AXL: variants seen among roughly 807,000 people sequenced by gnomAD.
The protein encoded by AXL is tyrosine-protein kinase receptor UFO.
Under a neutral mutation model 104.5 loss-of-function variants are expected in AXL, and 52 were observed. The ratio of observed to expected loss-of-function variants is 0.50; its 90% CI spans 0.40 to 0.63. The LOEUF (loss-of-function observed/expected upper bound fraction) is 0.63, where lower values mean the gene tolerates loss of function less well. AXL is among the 20% of genes least tolerant of loss of function. The probability of loss-of-function intolerance (pLI) is 0.00; values close to 1 mark genes in which losing one functional copy is unlikely to be tolerated. For synonymous variants in AXL, 455 were observed against 473.7 expected (o/e 0.96, Z 0.51); for missense variants, 1,024 against 1,188.5 (o/e 0.86, Z 2.04).
chr19:41,246,701 C>G (rs551229264), intron 12 of AXL, among the ~76,000 whole-genome samples: 6 of 151,894 alleles, frequency 4.0e-5, no homozygotes, highest in Admixed American at 3.9e-4. Context: ...GGCAACAGAG[C>G]GAGACTCGGT....
At chr19:41,248,960 G>C in intron 14 of AXL, 140 bp downstream of exon 14, 1 of 851,294 alleles carries the variant, frequency 1.2e-6, no homozygotes, top group South Asian at 1.8e-5. Flanking sequence ...TACCTCAATA[G>C]AAGGAATTGA....
In AXL at chr19:41,252,977, G is replaced by A. The variant is rs199621458; in HGVS notation, c.1926+10G>A. The stretch of plus-strand genomic sequence containing the variant: ...CGGGGACCAGCCAGTGGTAAGGGGC[G>A]TTTAATCATTCAGTCTACAAATATT... On this transcript the variant is annotated intron_variant, in intron 16 of 19. Coordinates refer to ENST00000301178, the MANE Select transcript of AXL (RefSeq NM_021913.5). The A allele has an allele frequency of 1.8e-5, 29 of 1,613,816 alleles. No homozygotes were observed. Among genetic ancestry groups the A allele is most frequent in the Admixed American group, 1.7e-4 (10 of 60,006 alleles).
At chr19:41,258,354 G>A (rs554926216) in intron 19 of AXL, among the ~76,000 whole-genome samples, 1 of 152,040 alleles carries the variant, frequency 6.6e-6, no homozygotes, top group East Asian at 1.9e-4. Context: ...CCACAGCCAT[G>A]TGATGTAGAT....
intron 5 of AXL, 30 bp downstream of exon 5, chr19:41,231,077 C>T (rs763166316): frequency 2.2e-5 from 35 of 1,612,826 alleles, no homozygotes; most frequent in South Asian, 1.2e-4. Context: ...GGGAGCTGGG[C>T]GTCAGAGGGT....
chr19:41,255,352 TTTC>T (rs1273189411), intron 17 of AXL, among the ~76,000 whole-genome samples: 4 of 90,360 alleles, frequency 4.4e-5, no homozygotes, highest in Non-Finnish European at 8.1e-5. Flanking sequence ...TCCTTTCTTC[TTTC>T]TTTTCTTTCT....
intron 8 of AXL, 96 bp from the exon 9 acceptor site, chr19:41,239,068 G>C: frequency 7.1e-7 from 1 of 1,409,656 alleles, no homozygotes; most frequent in African/African-American, 1.4e-5. Flanking sequence ...GATGGGGAGA[G>C]CGTTTTGAGA....
At chr19:41,223,969 G>GGTGTGTGT (rs10553535) in intron 4 of AXL, among the ~76,000 whole-genome samples, 3 of 149,690 alleles carry the variant, frequency 2.0e-5, no homozygotes, top group African/African-American at 7.4e-5. Flanking sequence ...TCCCATGTGT[G>GGTGTGTGT]GTGTGTGTGT....
At position 41,260,005 on chromosome 19, in the gene AXL, C is replaced by T. The variant is rs1389589219; in HGVS notation, c.*101C>T. The T allele has an allele frequency of 9.0e-7, 1 of 1,108,498 alleles. No homozygotes were observed. The highest frequency in any genetic ancestry group is 1.3e-6 in the Non-Finnish European group (1 of 794,306). 68.7% of individuals were successfully genotyped at this position (1,108,498 alleles called of 1,614,324 possible). On this transcript the variant is annotated 3_prime_UTR_variant, in exon 20 of 20. Transcript: ENST00000301178. ...TTTCCCACCCCACGCCTTATCCCCACTTGCAGCCCTGTCTTCCTACCTATC... is the reference window on the plus strand; with the variant it reads ...TTTCCCACCCCACGCCTTATCCCCATTTGCAGCCCTGTCTTCCTACCTATC...
chr19:41,227,490 T>C (rs76077610), intron 4 of AXL, among the ~76,000 whole-genome samples: 1 of 101,046 alleles, frequency 9.9e-6, no homozygotes, highest in South Asian at 3.5e-4. Context: ...CCTGGGGCCT[T>C]TTTTTTTTTT....
At chr19:41,253,753 T>G (rs2034408533) in intron 17 of AXL, 45 bp downstream of exon 17, 3 of 1,437,426 alleles carry the variant, frequency 2.1e-6, no homozygotes, top group East Asian at 2.3e-5. Flanking sequence ...GCTCCTGCAC[T>G]CCCTGAGGGA....
rs1385890547 is a variant in AXL, at chr19:41,219,279, G to A, written c.-114G>A. ...AAGGGCCTCCCCTGCCGCTGTGCCA[G>A]GCAGGCAGTGCCAAATCCGGGGAGC... On this transcript the variant is annotated 5_prime_UTR_variant, in exon 1 of 20. Coordinates refer to ENST00000301178, the MANE Select transcript of AXL (RefSeq NM_021913.5). 1.9e-6 allele frequency: 2 copies of A among 1,031,146 alleles called. No homozygotes were observed. Among genetic ancestry groups the A allele is most frequent in the Non-Finnish European group, 2.8e-6 (2 of 715,444 alleles). 63.9% of individuals were successfully genotyped at this position (1,031,146 alleles called of 1,614,324 possible). A position where few individuals can be genotyped will look rare whatever the true frequency, so the allele number is the denominator to read the frequency against.
At chr19:41,227,796 T>C (rs928333385) in intron 4 of AXL, among the ~76,000 whole-genome samples, 4 of 152,000 alleles carry the variant, frequency 2.6e-5, no homozygotes, top group African/African-American at 9.7e-5. Context: ...GCCAGGCGAT[T>C]ATTTAGATAA....
At chr19:41,248,461 A>G in intron 12 of AXL, 53 bp from the exon 13 acceptor site, 1 of 1,547,888 alleles carries the variant, frequency 6.5e-7, no homozygotes. Context: ...GGTGAATGTC[A>G]CCTGAATGTC....
At chr19:41,227,172 G>T (rs1363667588) in intron 4 of AXL, among the ~76,000 whole-genome samples, 2 of 151,992 alleles carry the variant, frequency 1.3e-5, no homozygotes, top group Admixed American at 6.6e-5. Context: ...GGGGAGGGGG[G>T]TGTCTATGTT....
intron 14 of AXL, among the ~76,000 whole-genome samples, chr19:41,251,105 A>G (rs1251334656): frequency 6.6e-6 from 1 of 152,194 alleles, no homozygotes; most frequent in Non-Finnish European, 1.5e-5. Context: ...TCCCTTAGGC[A>G]GACTCCTAAC....
Position 41,220,669 on chromosome 19 carries a change from A to G in AXL, c.119A>G (p.Asn40Ser). The G allele has an allele frequency of 6.2e-7, 1 of 1,603,978 alleles. No homozygotes were observed. The highest frequency in any genetic ancestry group is 8.5e-7 in the Non-Finnish European group (1 of 1,175,388). The change falls in exon 2 of 20, where the codon AAC becomes AGC. Residue 40 changes from asparagine to serine, a missense_variant. By Grantham distance (46) the Asn-to-Ser change is conservative. Coordinates refer to ENST00000301178, the MANE Select transcript of AXL (RefSeq NM_021913.5). ...GCTGAAGAAAGTCCCTTCGTGGGCA[A>G]CCCAGGGAATATCACAGGTGCCCGG... is the stretch of plus-strand genomic sequence containing the variant. ...TQAEESPFVG[N>S]PGNITGARGL... is the part of the protein sequence containing the mutation.
intron 6 of AXL, among the ~76,000 whole-genome samples, chr19:41,235,136 G>T (rs763326319): frequency 6.6e-6 from 1 of 152,148 alleles, no homozygotes; most frequent in Non-Finnish European, 1.5e-5. Flanking sequence ...CAGATCACCT[G>T]AGGTAGGGAG....
intron 4 of AXL, among the ~76,000 whole-genome samples, chr19:41,230,699 G>A (rs1171771638): frequency 1.3e-5 from 2 of 151,938 alleles, no homozygotes; most frequent in Non-Finnish European, 2.9e-5. Context: ...GCCTGTGCCT[G>A]TGCCTGTGTG....
intron 12 of AXL, among the ~76,000 whole-genome samples, chr19:41,245,040 C>T (rs570693530): frequency 3.9e-4 from 60 of 152,092 alleles, no homozygotes; most frequent in African/African-American, 1.4e-3. Flanking sequence ...AAGCGACTCT[C>T]CTGCTTCAGC....
Sources: allele counts gnomAD v4.1 joint callset (sites outside exome capture counted in the v4.1 genomes callset), GRCh38; gene constraint gnomAD v4.1.1; transcripts MANE v1.5; gene names NCBI Gene and HGNC (gene_info 2026-07-23, HGNC 2026-07-21).